The following LRMDA variants were observed in gnomAD, a reference collection of about 807,000 sequenced individuals.
LRMDA encodes the protein leucine rich melanocyte differentiation associated, also known as leucine-rich melanocyte differentiation-associated protein.
LRMDA carries 18 observed loss-of-function variants against 29.8 expected under a neutral mutation model. The observed-to-expected ratio is 0.60, with a 90% confidence interval of 0.42 to 0.90. The LOEUF is 0.90. Ranked by LOEUF, LRMDA falls within the 40% of genes least tolerant of loss-of-function variation. The pLI is 0.00. For missense variants in LRMDA, 273 were observed against 273.9 expected, an observed-to-expected ratio of 1.00 and a Z score of 0.02; for synonymous variants, 125 against 109.4, an observed-to-expected ratio of 1.14 and a Z score of -0.89.
chr10:76,440,125 G>A (rs1332539882), intron 6 of LRMDA, among the ~76,000 whole-genome samples: 1 of 152,192 alleles, frequency 6.6e-6, no homozygotes, highest in Non-Finnish European at 1.5e-5. Flanking sequence ...TAAGAATCCA[G>A]CATAATCTGT....
chr10:75,808,113 A>G (rs951697235), intron 2 of LRMDA, among the ~76,000 whole-genome samples: 1 of 152,148 alleles, frequency 6.6e-6, no homozygotes, highest in African/African-American at 2.4e-5. Context: ...AATAGAATGA[A>G]CACCTCCTTT....
intron 5 of LRMDA, among the ~76,000 whole-genome samples, chr10:76,186,674 G>A (rs750337204): frequency 3.9e-5 from 6 of 152,116 alleles, no homozygotes; most frequent in Non-Finnish European, 8.8e-5. Flanking sequence ...TCATTTTGTC[G>A]GTGCACATTT....
intron 6 of LRMDA, among the ~76,000 whole-genome samples, chr10:76,393,056 A>G (rs4115412): frequency 0.58 from 88,705 of 152,082 alleles, 30,943 homozygotes; most frequent in Non-Finnish European, 0.81. Flanking sequence ...GTGTACAAGT[A>G]CACCACACTT....
intron 2 of LRMDA, among the ~76,000 whole-genome samples, chr10:75,956,037 A>G (rs1178486002): frequency 2.0e-5 from 3 of 152,220 alleles, no homozygotes; most frequent in African/African-American, 7.2e-5. Context: ...ATTTAGTAGC[A>G]ACTTAGATAA....
At chr10:76,272,390 G>C (rs761185376) in intron 5 of LRMDA, among the ~76,000 whole-genome samples, 8 of 152,150 alleles carry the variant, frequency 5.3e-5, no homozygotes, top group Non-Finnish European at 8.8e-5. Context: ...CTCTTCAATA[G>C]AACCTGGAAT....
chr10:75,541,479 G>T (rs534268404), intron 2 of LRMDA, among the ~76,000 whole-genome samples: 3 of 146,208 alleles, frequency 2.1e-5, no homozygotes, highest in Non-Finnish European at 4.5e-5. Context: ...GATTTATTCA[G>T]AAATTTACAT....
chr10:75,650,466 C>T (rs1352026433), intron 2 of LRMDA, among the ~76,000 whole-genome samples: 1 of 148,036 alleles, frequency 6.8e-6, no homozygotes, highest in Non-Finnish European at 1.5e-5. Flanking sequence ...TATTTTTTGT[C>T]TCCCCCATTA....
At chr10:76,210,465 T>C (rs1236366989) in intron 5 of LRMDA, among the ~76,000 whole-genome samples, 1 of 152,226 alleles carries the variant, frequency 6.6e-6, no homozygotes, top group Non-Finnish European at 1.5e-5. Flanking sequence ...ATCCTCTGAG[T>C]GTACTGTACA....
chr10:75,700,661 G>A (rs1311926092), intron 2 of LRMDA, among the ~76,000 whole-genome samples: 6 of 152,138 alleles, frequency 3.9e-5, no homozygotes, highest in East Asian at 1.9e-4. Context: ...GTACATGAGC[G>A]AGCAAGTTTG....
At chr10:75,513,576 A>G (rs986212315) in intron 2 of LRMDA, among the ~76,000 whole-genome samples, 5 of 152,180 alleles carry the variant, frequency 3.3e-5, no homozygotes, top group Non-Finnish European at 5.9e-5. Flanking sequence ...GAAGTCTGAA[A>G]TGGGTTTCAC....
chr10:76,165,933 G>A (rs1052245958), intron 5 of LRMDA, among the ~76,000 whole-genome samples: 2 of 152,152 alleles, frequency 1.3e-5, no homozygotes, highest in Non-Finnish European at 2.9e-5. Context: ...AGGCTATGCT[G>A]GATGCTTTGG....
At chr10:76,013,149 C>T (rs751581494) in intron 2 of LRMDA, among the ~76,000 whole-genome samples, 1 of 152,070 alleles carries the variant, frequency 6.6e-6, no homozygotes, top group Non-Finnish European at 1.5e-5. Context: ...TTGCTAGGCT[C>T]GCATTTTAAT....
intron 2 of LRMDA, among the ~76,000 whole-genome samples, chr10:75,466,704 A>G (rs897702516): frequency 2.2e-4 from 34 of 152,126 alleles, no homozygotes; most frequent in African/African-American, 7.2e-4. Context: ...TTTCCATCTG[A>G]GGTGATGTGG....
chr10:75,452,900 A>G (rs2132032732), intron 2 of LRMDA, among the ~76,000 whole-genome samples: 1 of 152,334 alleles, frequency 6.6e-6, no homozygotes, highest in Admixed American at 6.5e-5. Flanking sequence ...TCAATTTCTG[A>G]TATGAAATAT....
intron 5 of LRMDA, among the ~76,000 whole-genome samples, chr10:76,067,580 A>G (rs1222993314): frequency 2.6e-5 from 4 of 152,214 alleles, no homozygotes; most frequent in African/African-American, 9.7e-5. Context: ...GCAGAGCTAC[A>G]GGGCAGGACT....
chr10:76,410,117 G>T (rs954790923), intron 6 of LRMDA, among the ~76,000 whole-genome samples: 1 of 151,950 alleles, frequency 6.6e-6, no homozygotes, highest in Non-Finnish European at 1.5e-5. Context: ...AATGTTGAAG[G>T]CACGGAATTG....
At chr10:76,351,670 TC>T (rs763539750) in intron 6 of LRMDA, among the ~76,000 whole-genome samples, 3 of 148,244 alleles carry the variant, frequency 2.0e-5, no homozygotes, top group Non-Finnish European at 4.5e-5. Context: ...CTCTCACTAA[TC>T]CTCAACAAGC....
intron 2 of LRMDA, among the ~76,000 whole-genome samples, chr10:75,897,486 A>T (rs895623519): frequency 6.6e-6 from 1 of 152,234 alleles, no homozygotes; most frequent in African/African-American, 2.4e-5. Context: ...AAGGGCCTGG[A>T]GAATGCCTGC....
At chr10:76,239,332 A>G (rs372457732) in intron 5 of LRMDA, among the ~76,000 whole-genome samples, 16 of 152,174 alleles carry the variant, frequency 1.1e-4, no homozygotes, top group African/African-American at 3.4e-4. Flanking sequence ...TTACCCTTAA[A>G]CATGGTCACC....
Sources: allele counts gnomAD v4.1 joint callset (sites outside exome capture counted in the v4.1 genomes callset), GRCh38; gene constraint gnomAD v4.1.1; transcripts MANE v1.5; gene names NCBI Gene and HGNC (gene_info 2026-07-23, HGNC 2026-07-21).